SORCS3: variants seen among roughly 807,000 people sequenced by gnomAD.
The protein encoded by SORCS3 is sortilin related VPS10 domain containing receptor 3.
In SORCS3, 57 loss-of-function variants were observed where a neutral mutation model predicts 146.3. The observed-to-expected ratio is 0.39, with a 90% CI of 0.31 to 0.49. SORCS3 has a LOEUF of 0.49. Ranked by LOEUF, SORCS3 falls within the 20% of genes least tolerant of loss-of-function variation. The pLI, the probability that SORCS3 is intolerant of heterozygous loss-of-function variation, is 0.92. For missense variants in SORCS3, 1,341 were observed against 1,575.5 expected, an observed-to-expected ratio of 0.85 and a Z score of 2.52; for synonymous variants, 653 against 618.5, an observed-to-expected ratio of 1.06 and a Z score of -0.83.
At chr10:104,840,805 A>G (rs2018130463) in intron 1 of SORCS3, among the ~76,000 whole-genome samples, 1 of 152,096 alleles carries the variant, frequency 6.6e-6, no homozygotes. Flanking sequence ...GTTGGGGAAA[A>G]ATGATTTTGG....
At chr10:105,097,645 G>A (rs1436364525) in intron 6 of SORCS3, among the ~76,000 whole-genome samples, 1 of 152,152 alleles carries the variant, frequency 6.6e-6, no homozygotes, top group Non-Finnish European at 1.5e-5. Context: ...AACATAAGAA[G>A]TATTTTTATA....
chr10:105,005,583 C>T (rs1230078708), intron 4 of SORCS3, among the ~76,000 whole-genome samples: 2 of 152,098 alleles, frequency 1.3e-5, no homozygotes, highest in Non-Finnish European at 2.9e-5. Flanking sequence ...CAAGATGGAA[C>T]ACCGTTCTCC....
intron 5 of SORCS3, among the ~76,000 whole-genome samples, chr10:105,088,716 G>A (rs541729627): frequency 1.3e-5 from 2 of 152,218 alleles, no homozygotes; most frequent in Non-Finnish European, 2.9e-5. Context: ...CTGTTGAGAA[G>A]TGTAGGGATT....
chr10:104,835,396 G>A (rs1306143609), intron 1 of SORCS3, among the ~76,000 whole-genome samples: 1 of 152,198 alleles, frequency 6.6e-6, no homozygotes, highest in Non-Finnish European at 1.5e-5. Context: ...CTAGGCAGGA[G>A]TGAGGTCATA....
intron 1 of SORCS3, among the ~76,000 whole-genome samples, chr10:104,691,780 A>T (rs904863904): frequency 3.3e-5 from 5 of 152,022 alleles, no homozygotes; most frequent in African/African-American, 1.2e-4. Flanking sequence ...TTGCTCTGCC[A>T]CCCAGGCTGG....
intron 1 of SORCS3, among the ~76,000 whole-genome samples, chr10:104,727,698 G>A (rs1003059136): frequency 2.0e-5 from 3 of 152,028 alleles, no homozygotes; most frequent in South Asian, 2.1e-4. Context: ...GTATCAGTCC[G>A]TGGCCTGTTA....
intron 2 of SORCS3, among the ~76,000 whole-genome samples, chr10:104,913,341 A>C (rs1179511447): frequency 1.3e-5 from 2 of 152,298 alleles, no homozygotes; most frequent in South Asian, 2.1e-4. Context: ...CAGGGGTCTA[A>C]GTTTTTTAGG....
chr10:105,208,648 T>C (rs1361675080), intron 16 of SORCS3, among the ~76,000 whole-genome samples: 1 of 149,082 alleles, frequency 6.7e-6, no homozygotes, highest in Non-Finnish European at 1.5e-5. Flanking sequence ...ATATATATTA[T>C]ATATAATAAT....
intron 6 of SORCS3, among the ~76,000 whole-genome samples, chr10:105,102,204 A>T (rs1243859430): frequency 6.6e-6 from 1 of 151,964 alleles, no homozygotes; most frequent in Non-Finnish European, 1.5e-5. Flanking sequence ...AGCAGAAAGG[A>T]ATATAAATCA....
intron 13 of SORCS3, among the ~76,000 whole-genome samples, chr10:105,169,046 C>T (rs1196429218): frequency 6.6e-6 from 1 of 152,130 alleles, no homozygotes; most frequent in Non-Finnish European, 1.5e-5. Context: ...TTTCCAGGCA[C>T]TGTTCTAAAC....
intron 20 of SORCS3, among the ~76,000 whole-genome samples, chr10:105,224,170 A>T (rs1477370683): frequency 6.6e-6 from 1 of 152,214 alleles, no homozygotes; most frequent in Non-Finnish European, 1.5e-5. Flanking sequence ...GTATAATGAC[A>T]TGAATCTACC....
intron 4 of SORCS3, among the ~76,000 whole-genome samples, chr10:104,987,374 C>A (rs1294925998): frequency 6.6e-6 from 1 of 151,924 alleles, no homozygotes; most frequent in East Asian, 1.9e-4. Flanking sequence ...CATTACATTG[C>A]TTTCATAATT....
At chr10:105,023,984 C>T (rs790639) in intron 4 of SORCS3, among the ~76,000 whole-genome samples, 80,520 of 151,856 alleles carry the variant, frequency 0.53, 23,768 homozygotes, top group African/African-American at 0.81. Context: ...CACTTACTCA[C>T]GCAGGCAAGG....
chr10:104,706,201 CTTTTTT>C (rs1162969172), intron 1 of SORCS3, among the ~76,000 whole-genome samples: 55 of 85,874 alleles, frequency 6.4e-4, no homozygotes, highest in African/African-American at 2.1e-3. Context: ...TTTTCTTCTT[CTTTTTT>C]TTTTTTTTTT....
At chr10:105,162,352 G>A (rs1352741192) in intron 11 of SORCS3, among the ~76,000 whole-genome samples, 2 of 152,056 alleles carry the variant, frequency 1.3e-5, no homozygotes, top group Non-Finnish European at 2.9e-5. Flanking sequence ...CCACTCAAGT[G>A]GGCAACAGCT....
chr10:104,776,598 C>G (rs140041706), intron 1 of SORCS3, among the ~76,000 whole-genome samples: 398 of 151,992 alleles, frequency 2.6e-3, no homozygotes, highest in Middle Eastern at 6.8e-3. Flanking sequence ...GCACCCTTGC[C>G]AAATAATTAC....
intron 1 of SORCS3, among the ~76,000 whole-genome samples, chr10:104,802,263 C>T (rs2017632106): frequency 6.6e-6 from 1 of 152,074 alleles, no homozygotes; most frequent in Non-Finnish European, 1.5e-5. Context: ...CCATATTCTG[C>T]TTTTATTAGG....
chr10:105,035,061 A>C (rs1255309644), intron 4 of SORCS3, among the ~76,000 whole-genome samples: 1 of 152,164 alleles, frequency 6.6e-6, no homozygotes, highest in Non-Finnish European at 1.5e-5. Context: ...CCCTAATCAC[A>C]TGTCAGCAAT....
intron 4 of SORCS3, among the ~76,000 whole-genome samples, chr10:105,025,018 C>T (rs918168147): frequency 2.0e-5 from 3 of 152,176 alleles, no homozygotes; most frequent in African/African-American, 7.2e-5. Context: ...ACCGGGAGAA[C>T]TAAGGAAAAG....
Sources: gnomAD v4.1 joint callset for allele counts (sites outside exome capture counted in the v4.1 genomes callset) on GRCh38, gnomAD v4.1.1 for gene constraint, MANE v1.5 for transcripts, NCBI Gene and HGNC (gene_info 2026-07-23, HGNC 2026-07-21) for gene names.